SRRD: variants seen among roughly 807,000 people sequenced by gnomAD.
The protein encoded by SRRD is SRR1-like protein.
SRRD carries 28 observed loss-of-function variants against 30.7 expected under a neutral mutation model. The observed-to-expected ratio is 0.91, with a 90% confidence interval of 0.68 to 1.25. The LOEUF is 1.25. Ranked by LOEUF, SRRD falls within the 50% of genes most tolerant of loss-of-function variation. The pLI, the probability that SRRD is intolerant of heterozygous loss-of-function variation, is 0.00. For synonymous variants in SRRD, 161 were observed against 159.6 expected, an observed-to-expected ratio of 1.01 and a Z score of -0.07; for missense variants, 415 against 417.3, an observed-to-expected ratio of 0.99 and a Z score of 0.05.
Position 26,491,753 on chromosome 22 carries a change from C to A in SRRD, c.*81C>A. 8.5e-6 allele frequency: 11 copies of A among 1,289,230 alleles called. No individual in the cohort carries two copies. Among genetic ancestry groups the A allele is most frequent in the Admixed American group, 2.2e-5 (1 of 46,288 alleles). The allele number at this position is 1,289,230 out of a possible 1,614,324, so 79.9% of individuals were successfully genotyped here. On this transcript the variant is annotated 3_prime_UTR_variant, in exon 7 of 7. Coordinates refer to ENST00000215917, the MANE Select transcript of SRRD (RefSeq NM_001013694.3). ...AGGGAAGGCTGCTATGGAGGAACTA[C>A]AGAGAACTCCTTTGCCAGGAAAGAA...
Position 26,490,167 on chromosome 22 carries a change from A to G in SRRD, c.733A>G (p.Ile245Val), listed in dbSNP as rs760473559. 11 of 1,614,044 alleles carry G rather than the reference A, an allele frequency of 6.8e-6. No homozygotes were observed. The African/African-American group carries it at 1.3e-4, about 20-fold the overall frequency. ...AGATGCCCTTTCTAAGATGGTCATC[A>G]TTGGGAACAGTTTCAAAGGACTTGA... ...SVDALSKMVI[I>V]GNSFKGLEER... Residue 245 changes from isoleucine (I) to valine (V), a missense_variant, in exon 5 of 7, where the codon ATT (isoleucine) becomes GTT (valine). By Grantham distance (29) the Ile-to-Val change is conservative (BLOSUM62 3). Transcript: ENST00000215917.
rs115358886 is a variant in SRRD, at chr22:26,491,828, G to C, written c.*156G>C. 5.4e-3 allele frequency: 4,971 copies of C among 912,946 alleles called. 168 individuals are homozygous for C. In the African/African-American group the frequency reaches 0.074, roughly 14 times the overall value. The allele number at this position is 912,946 out of a possible 1,614,324, so 56.6% of individuals were successfully genotyped here. A position where few individuals can be genotyped will look rare whatever the true frequency, so the allele number is the denominator to read the frequency against. On this transcript the variant is annotated 3_prime_UTR_variant, in exon 7 of 7. Transcript: ENST00000215917. The stretch of plus-strand genomic sequence containing the variant: ...AGGACGATACCCCACATGAGGACTT[G>C]GTATAAAGATTCCTGCCCTACGTGG...
At position 26,492,388 on chromosome 22, in the gene SRRD, G is replaced by A. The variant is rs1428486041; in HGVS notation, c.*716G>A. The A allele has an allele frequency of 6.2e-7, 1 of 1,610,320 alleles. No individual in the cohort carries two copies. The highest frequency in any genetic ancestry group is 8.5e-7 in the Non-Finnish European group (1 of 1,176,950). On this transcript the variant is annotated 3_prime_UTR_variant, in exon 7 of 7. Coordinates refer to ENST00000215917, the MANE Select transcript of SRRD (RefSeq NM_001013694.3). Reference sequence around the variant, plus strand: ...AGGCACCTAAGATACAGGAGGACAGGGCGGTGAGGAGAGGTGTTTCCAGGT... The same window carrying A: ...AGGCACCTAAGATACAGGAGGACAGAGCGGTGAGGAGAGGTGTTTCCAGGT...
In SRRD at chr22:26,494,167, G is replaced by A. The variant is rs1027014804; in HGVS notation, c.*2495G>A. On this transcript the variant is annotated 3_prime_UTR_variant, in exon 7 of 7. Coordinates refer to ENST00000215917, the MANE Select transcript of SRRD (RefSeq NM_001013694.3). Reference sequence around the variant, plus strand: ...CGTTGGAGGACACCGCCCGGTTCATGATATCAAGTGCCTCATTAAATTTGT... The same window carrying A: ...CGTTGGAGGACACCGCCCGGTTCATAATATCAAGTGCCTCATTAAATTTGT... 6.2e-7 allele frequency: 1 copy of A among 1,614,192 alleles called. No individual in the cohort carries two copies. Among genetic ancestry groups the A allele is most frequent in the Non-Finnish European group, 8.5e-7 (1 of 1,180,034 alleles).
chr22:26,490,003 G>A (rs376431325), intron 4 of SRRD, 41 bp from the exon 5 acceptor site: 3 of 1,609,552 alleles, frequency 1.9e-6, no homozygotes, highest in Middle Eastern at 1.7e-4. Flanking sequence ...GTAAAGAATA[G>A]GTTGTGGGCA....
intron 2 of SRRD, among the ~76,000 whole-genome samples, chr22:26,487,146 C>A (rs1024782960): frequency 6.6e-6 from 1 of 152,026 alleles, no homozygotes; most frequent in Non-Finnish European, 1.5e-5. Flanking sequence ...GTCTCGAACT[C>A]CTGACCTCAA....
In SRRD at chr22:26,491,744, G is replaced by T. The variant is rs1026866337; in HGVS notation, c.*72G>T. On this transcript the variant is annotated 3_prime_UTR_variant, in exon 7 of 7. Coordinates refer to ENST00000215917, the MANE Select transcript of SRRD (RefSeq NM_001013694.3). ...AGAGACTAAAGGGAAGGCTGCTATG[G>T]AGGAACTACAGAGAACTCCTTTGCC... The T allele has an allele frequency of 2.2e-6, 3 of 1,392,512 alleles. No individual in the cohort carries two copies. Among genetic ancestry groups the T allele is most frequent in the Non-Finnish European group, 3.0e-6 (3 of 1,009,614 alleles). 86.3% of individuals were successfully genotyped at this position (1,392,512 alleles called of 1,614,324 possible). A position where few individuals can be genotyped will look rare whatever the true frequency, so the allele number is the denominator to read the frequency against.
intron 5 of SRRD, 122 bp from the exon 6 acceptor site, chr22:26,490,902 GA>G: frequency 1.1e-6 from 1 of 911,336 alleles, no homozygotes; most frequent in Non-Finnish European, 1.7e-6. Context: ...GTTTTTTCCT[GA>G]ATTCTTACTA....
rs1921225194 is a variant in SRRD, at chr22:26,491,823, G to A, written c.*151G>A. The stretch of plus-strand genomic sequence containing the variant: ...TTTTGAGGACGATACCCCACATGAG[G>A]ACTTGGTATAAAGATTCCTGCCCTA... On this transcript the variant is annotated 3_prime_UTR_variant, in exon 7 of 7. Coordinates refer to ENST00000215917, the MANE Select transcript of SRRD (RefSeq NM_001013694.3). 2.2e-6 allele frequency: 2 copies of A among 916,024 alleles called. No individual in the cohort carries two copies. Among genetic ancestry groups the A allele is most frequent in the Non-Finnish European group, 3.2e-6 (2 of 619,982 alleles). 56.7% of individuals were successfully genotyped at this position (916,024 alleles called of 1,614,324 possible). A position where few individuals can be genotyped will look rare whatever the true frequency, so the allele number is the denominator to read the frequency against.
intron 1 of SRRD, 64 bp from the exon 2 acceptor site, chr22:26,485,959 A>G: frequency 6.3e-7 from 1 of 1,597,286 alleles, no homozygotes; most frequent in South Asian, 1.1e-5. Flanking sequence ...ATGATCAGGA[A>G]AGTTACTGTT....
rs758737346 is a variant in SRRD, at chr22:26,491,448, A to G, written c.811-15A>G. 2 of 1,600,720 alleles carry G rather than the reference A, an allele frequency of 1.2e-6. No individual in the cohort carries two copies. Among genetic ancestry groups the G allele is most frequent in the South Asian group, 1.1e-5 (1 of 89,568 alleles). On this transcript the variant is annotated splice_polypyrimidine_tract_variant and intron_variant, in intron 6 of 6. Coordinates refer to ENST00000215917, the MANE Select transcript of SRRD (RefSeq NM_001013694.3). Reference sequence around the variant, plus strand: ...TGACTATCTGAAGTTTTTATACTTGAATTTTTCTGCTCAGATTTTAAAAGG... The same window carrying G: ...TGACTATCTGAAGTTTTTATACTTGGATTTTTCTGCTCAGATTTTAAAAGG...
rs1921528874 is a variant in SRRD at position 26,493,707 on chromosome 22, A to C, written c.*2035A>C. 1 of 181,634 alleles carries C rather than the reference A, an allele frequency of 5.5e-6. No individual in the cohort carries two copies. Among genetic ancestry groups the C allele is most frequent in the Non-Finnish European group, 1.2e-5 (1 of 85,658 alleles). The allele number at this position is 181,634 out of a possible 1,614,324, so 11.3% of individuals were successfully genotyped here. On this transcript the variant is annotated 3_prime_UTR_variant, in exon 7 of 7. Transcript: ENST00000215917. ...CTCTCCCTTTTAGCCTATAAAGTAG[A>C]TCTTACTGTTTAACAGGTAAAATGG...
At chr22:26,489,998 G>C (rs2147110154) in intron 4 of SRRD, 46 bp from the exon 5 acceptor site, 1 of 1,607,534 alleles carries the variant, frequency 6.2e-7, no homozygotes, top group East Asian at 2.2e-5. Flanking sequence ...TTGCTGTAAA[G>C]AATAGGTTGT....
chr22:26,491,006 GGTTT>G lies in SRRD; in HGVS notation c.765-18_765-15del. ...CATGGTGTTTTTTTTTTGTTTTTTT[GGTTT>G]TTTTTAATTTCTAGGTTGTTGGCAA... On this transcript the variant is annotated splice_polypyrimidine_tract_variant and intron_variant, in intron 5 of 6. Transcript: ENST00000215917. The G allele has an allele frequency of 6.3e-7, 1 of 1,588,678 alleles. No individual in the cohort carries two copies.
intron 6 of SRRD, 46 bp downstream of exon 6, chr22:26,491,116 T>C (rs563757793): frequency 5.1e-6 from 8 of 1,576,826 alleles, no homozygotes; most frequent in South Asian, 2.3e-5. Context: ...GGTGTGAAAC[T>C]GTGAAGAATT....
At chr22:26,485,706 C>G (rs148568264) in intron 1 of SRRD, among the ~76,000 whole-genome samples, 6 of 152,294 alleles carry the variant, frequency 3.9e-5, no homozygotes, top group African/African-American at 1.2e-4. Flanking sequence ...AAGGCTAATT[C>G]TGAGCACTTA....
intron 1 of SRRD, 35 bp from the exon 2 acceptor site, chr22:26,485,988 G>A: frequency 6.2e-7 from 1 of 1,614,088 alleles, no homozygotes; most frequent in East Asian, 2.2e-5. Context: ...CCTGAGATGG[G>A]TGGGACATGA....
intron 5 of SRRD, chr22:26,490,653 T>G: frequency 5.1e-6 from 1 of 195,558 alleles, no homozygotes; most frequent in Non-Finnish European, 1.0e-5. Flanking sequence ...AACCTCTGTC[T>G]CCTGGGTTCA....
intron 4 of SRRD, 115 bp downstream of exon 4, chr22:26,488,603 C>G (rs566241079): frequency 1.3e-6 from 1 of 782,792 alleles, no homozygotes; most frequent in Admixed American, 2.1e-5. Flanking sequence ...TCTCTTACCG[C>G]CTGCTCACTT....
Sources: allele counts gnomAD v4.1 joint callset (sites outside exome capture counted in the v4.1 genomes callset), GRCh38; gene constraint gnomAD v4.1.1; transcripts MANE v1.5; gene names NCBI Gene and HGNC (gene_info 2026-07-23, HGNC 2026-07-21).